Variants in SORD observed in about 807,000 individuals in gnomAD.
The protein encoded by SORD is sorbitol dehydrogenase, also known as (R,R)-butanediol dehydrogenase.
A neutral mutation model predicts 35.6 loss-of-function variants in SORD; 18 were observed. The observed-to-expected ratio is 0.51, with a 90% CI of 0.35 to 0.75. SORD has a LOEUF of 0.75. SORD is among the 30% of genes least tolerant of loss of function. SORD has a pLI of 0.01. For missense variants in SORD, 250 were observed against 390.2 expected (o/e 0.64, Z 3.03); for synonymous variants, 106 against 152.9 (o/e 0.69, Z 2.26).
intron 4 of SORD, 142 bp from the exon 5 acceptor site, chr15:45,065,129 C>A: frequency 1.5e-6 from 1 of 681,012 alleles, no homozygotes; most frequent in Non-Finnish European, 2.6e-6. Context: ...ATATAAATTG[C>A]TTAGCACATT....
At chr15:45,023,738 AG>A (rs1892626626) in intron 1 of SORD, among the ~76,000 whole-genome samples, 1 of 152,358 alleles carries the variant, frequency 6.6e-6, no homozygotes, top group East Asian at 1.9e-4. Flanking sequence ...GAGCAGAGAA[AG>A]GGGGGCCAGA....
chr15:45,059,486 G>A (rs1169866947), intron 3 of SORD, among the ~76,000 whole-genome samples: 3 of 152,186 alleles, frequency 2.0e-5, no homozygotes, highest in African/African-American at 7.2e-5. Flanking sequence ...ATTCAGCCAT[G>A]AAAAGGAACA....
intron 3 of SORD, among the ~76,000 whole-genome samples, chr15:45,052,160 G>T (rs962295569): frequency 1.3e-5 from 2 of 152,182 alleles, no homozygotes; most frequent in Admixed American, 1.3e-4. Flanking sequence ...GAAAGTGGCT[G>T]GGCTTAGGCA....
chr15:45,038,091 A>G (rs1246508201), intron 1 of SORD, among the ~76,000 whole-genome samples: 1 of 151,938 alleles, frequency 6.6e-6, no homozygotes, highest in Non-Finnish European at 1.5e-5. Flanking sequence ...TGAGGTGGCT[A>G]TTTCTAGACT....
chr15:45,028,576 T>C (rs1369836032), intron 1 of SORD, among the ~76,000 whole-genome samples: 2 of 152,182 alleles, frequency 1.3e-5, no homozygotes, highest in Admixed American at 1.3e-4. Context: ...ATCAGCTATA[T>C]GAGGAGACAA....
chr15:45,053,243 C>T (rs893965496), intron 3 of SORD, among the ~76,000 whole-genome samples: 1 of 152,198 alleles, frequency 6.6e-6, no homozygotes, highest in African/African-American at 2.4e-5. Flanking sequence ...ATACATCCAA[C>T]ACATCCTATC....
intron 8 of SORD, among the ~76,000 whole-genome samples, chr15:45,072,831 T>C (rs1173388141): frequency 7.0e-6 from 1 of 142,334 alleles, no homozygotes; most frequent in Non-Finnish European, 1.5e-5. Context: ...TCCTTAGCCC[T>C]AGGGCCCACC....
Position 45,069,023 on chromosome 15 carries a change from G to A in SORD, c.757G>A (p.Ala253Thr), listed in dbSNP as rs765857892. 24 of 1,610,068 alleles carry A rather than the reference G, an allele frequency of 1.5e-5. No individual in the cohort carries two copies. Among genetic ancestry groups the A allele is most frequent in the Middle Eastern group, 1.6e-4 (1 of 6,072 alleles). ...KPEVTIECTG[A>T]EASIQAGIYA... The stretch of plus-strand genomic sequence containing the variant: ...GGAAGTCACCATCGAGTGCACGGGG[G>A]CAGAGGCCTCCATCCAGGCGGGCAT... Residue 253 changes from alanine to threonine, a missense_variant, in exon 7 of 9, where the codon GCA becomes ACA. Transcript: ENST00000267814.
intron 4 of SORD, among the ~76,000 whole-genome samples, chr15:45,061,758 A>G (rs1043002783): frequency 7.2e-5 from 11 of 152,042 alleles, no homozygotes; most frequent in African/African-American, 2.7e-4. Flanking sequence ...AGTCCCAGCT[A>G]CTTGGGAGGC....
chr15:45,045,551 A>T (rs1170198229), intron 3 of SORD, among the ~76,000 whole-genome samples: 1 of 150,214 alleles, frequency 6.7e-6, no homozygotes, highest in Non-Finnish European at 1.5e-5. Flanking sequence ...TCTCAAAAAA[A>T]AAAAAAAAAA....
chr15:45,044,006 G>A (rs574530261), intron 3 of SORD, among the ~76,000 whole-genome samples: 7 of 152,272 alleles, frequency 4.6e-5, no homozygotes, highest in South Asian at 2.1e-4. Flanking sequence ...TGTGCAGCCC[G>A]GAAATAAGGT....
At position 45,069,197 on chromosome 15, in the gene SORD, T is replaced by C. The variant is rs1339606885; in HGVS notation, c.786+145T>C. The C allele has an allele frequency of 3.5e-3, 803 of 228,072 alleles. 8 individuals are homozygous for C. The highest frequency in any genetic ancestry group is 6.5e-3 in the African/African-American group (53 of 8,178). The allele number at this position is 228,072 out of a possible 1,614,324, so 14.1% of individuals were successfully genotyped here. A position where few individuals can be genotyped will look rare whatever the true frequency, so the allele number is the denominator to read the frequency against. On this transcript the variant is annotated intron_variant, in intron 7 of 8. Transcript: ENST00000267814. ...TTGCCATCTATGTTTTCTTTTTCTT[T>C]TTTTTTTTTTTTTTTTTTTTTTTTT...
chr15:45,029,562 T>C (rs1256278558), intron 1 of SORD, among the ~76,000 whole-genome samples: 1 of 152,264 alleles, frequency 6.6e-6, no homozygotes, highest in African/African-American at 2.4e-5. Flanking sequence ...GCTCCTTTAT[T>C]TCCACCGTCT....
intron 4 of SORD, among the ~76,000 whole-genome samples, chr15:45,061,436 G>T (rs1324753313): frequency 6.6e-6 from 1 of 152,160 alleles, no homozygotes; most frequent in Non-Finnish European, 1.5e-5. Flanking sequence ...TAGTCTTTCA[G>T]TTTCAGTTTC....
rs118153043 is a variant in SORD, at chr15:45,030,026, T to C, written c.66+6677T>C. 8.5e-3 allele frequency among the ~76,000 whole-genome samples: 1,299 copies of C among 152,222 alleles called. 3 individuals carry two copies. The highest frequency in any genetic ancestry group is 0.021 in the East Asian group (111 of 5,178). On this transcript the variant is annotated intron_variant, in intron 1 of 8. Transcript: ENST00000267814. ...AGAAAACTACTTAGGAAAGGTTAGG[T>C]ATATGTAAAATAGGTGAAGGGTGGG...
intron 3 of SORD, among the ~76,000 whole-genome samples, chr15:45,056,638 C>T (rs549266042): frequency 5.1e-4 from 77 of 152,104 alleles, no homozygotes; most frequent in Non-Finnish European, 1.0e-3. Context: ...GGGAGTAGAG[C>T]CAGTTAACAT....
chr15:45,057,272 G>A (rs1367220248), intron 3 of SORD, among the ~76,000 whole-genome samples: 1 of 151,814 alleles, frequency 6.6e-6, no homozygotes, highest in Non-Finnish European at 1.5e-5. Context: ...CCTTTTTTTA[G>A]GTTTTTTGCT....
At chr15:45,036,104 G>C (rs879376824) in intron 1 of SORD, 5 of 279,350 alleles carry the variant, frequency 1.8e-5, no homozygotes, top group Non-Finnish European at 2.8e-5. Context: ...CTGAGCCAGC[G>C]AGACCACGAA....
chr15:45,030,511 T>C (rs1276563144), intron 1 of SORD, among the ~76,000 whole-genome samples: 1 of 152,236 alleles, frequency 6.6e-6, no homozygotes, highest in African/African-American at 2.4e-5. Flanking sequence ...CAAAGTAATA[T>C]TCAACTCAAC....
Sources: gnomAD v4.1 joint callset for allele counts (sites outside exome capture counted in the v4.1 genomes callset) on GRCh38, gnomAD v4.1.1 for gene constraint, MANE v1.5 for transcripts, NCBI Gene and HGNC (gene_info 2026-07-23, HGNC 2026-07-21) for gene names.